LRRC36: variants seen among roughly 807,000 people sequenced by gnomAD.
The protein encoded by LRRC36 is leucine rich repeat containing 36.
LRRC36 carries 62 observed loss-of-function variants against 81.1 expected under a neutral mutation model. The ratio of observed to expected loss-of-function variants is 0.76; its 90% CI spans 0.62 to 0.94. The LOEUF is 0.94. Ranked by LOEUF, LRRC36 falls within the 40% of genes least tolerant of loss-of-function variation. The pLI, the probability that LRRC36 is intolerant of heterozygous loss-of-function variation, is 0.00. For missense variants in LRRC36, 761 were observed against 881.7 expected, an observed-to-expected ratio of 0.86 and a Z score of 1.73; for synonymous variants, 334 against 348.6, an observed-to-expected ratio of 0.96 and a Z score of 0.47.
At position 67,347,556 on chromosome 16, in the gene LRRC36, C is replaced by T. The variant is rs1313652369; in HGVS notation, c.453C>T (p.Gly151=). Residue 151 remains glycine, a synonymous_variant, in exon 4 of 14, where the codon GGC becomes GGT. Transcript: ENST00000329956. ...KAAKLHFSQL[G]NSENFLLEVE... Reference sequence around the variant, plus strand: ...CCAAGCTGCATTTTAGTCAGTTGGGCAACAGTGAAAATTTTCTTTTAGAGG... The same window carrying T: ...CCAAGCTGCATTTTAGTCAGTTGGGTAACAGTGAAAATTTTCTTTTAGAGG... The T allele has an allele frequency of 1.2e-6, 2 of 1,612,646 alleles. No homozygotes were observed. The highest frequency in any genetic ancestry group is 1.7e-4 in the Middle Eastern group (1 of 6,042).
chr16:67,342,402 A>T (rs2038132656), intron 2 of LRRC36, among the ~76,000 whole-genome samples: 1 of 152,188 alleles, frequency 6.6e-6, no homozygotes, highest in South Asian at 2.1e-4. Flanking sequence ...CTCAGTCCCT[A>T]CTGTGAGAGT....
chr16:67,351,071 G>A (rs117462703), intron 5 of LRRC36, among the ~76,000 whole-genome samples: 40 of 152,212 alleles, frequency 2.6e-4, no homozygotes, highest in Non-Finnish European at 4.6e-4. Context: ...TAAATAAAGT[G>A]GTTATGCCAC....
chr16:67,370,902 A>C (rs1320843087), intron 8 of LRRC36, 42 bp from the exon 9 acceptor site: 10 of 1,554,304 alleles, frequency 6.4e-6, no homozygotes, highest in Non-Finnish European at 8.8e-6. Flanking sequence ...GACATGAGGC[A>C]GTCAGAGGGC....
chr16:67,375,301 C>T lies in LRRC36; in HGVS notation c.1549C>T (p.Pro517Ser), dbSNP rs897730638. The change falls in exon 10 of 14, where the codon CCC (proline) becomes TCC (serine). Residue 517 changes from proline (P) to serine (S), a missense_variant. Transcript: ENST00000329956. The stretch of plus-strand genomic sequence containing the variant: ...CGGTTTGGCTGGAAACCACAGTCCC[C>T]CCATCTCTGCCAGAACCCCCCATGT... ...LHGLAGNHSP[P>S]ISARTPHVAT... 2.5e-6 allele frequency: 4 copies of T among 1,612,642 alleles called. No individual in the cohort carries two copies. The highest frequency in any genetic ancestry group is 3.4e-6 in the Non-Finnish European group (4 of 1,179,698).
At chr16:67,345,812 C>T (rs1276144625) in intron 2 of LRRC36, among the ~76,000 whole-genome samples, 4 of 151,920 alleles carry the variant, frequency 2.6e-5, no homozygotes, top group Non-Finnish European at 5.9e-5. Context: ...GCCCCTTTCC[C>T]CCAGAACCAG....
chr16:67,368,908 C>T (rs1235778117), intron 8 of LRRC36, among the ~76,000 whole-genome samples: 1 of 152,066 alleles, frequency 6.6e-6, no homozygotes, highest in African/African-American at 2.4e-5. Flanking sequence ...AATGGTAATT[C>T]TGTGGTTTTG....
Position 67,333,812 on chromosome 16 carries a change from G to A in LRRC36, c.70+6880G>A, listed in dbSNP as rs987359775. Reference sequence around the variant, plus strand: ...AGAGAAATTGGGCATAAAGTACAGAGAGTTCTCATATACGCTTACCTTCCT... The same window carrying A: ...AGAGAAATTGGGCATAAAGTACAGAAAGTTCTCATATACGCTTACCTTCCT... On this transcript the variant is annotated intron_variant, in intron 1 of 13. Transcript: ENST00000329956. 4.6e-5 allele frequency among the ~76,000 whole-genome samples: 7 copies of A among 152,024 alleles called. No individual in the cohort carries two copies. The East Asian group carries it at 1.3e-3, about 29-fold the overall frequency.
chr16:67,355,386 T>C (rs796395627), intron 5 of LRRC36, among the ~76,000 whole-genome samples: 201 of 115,640 alleles, frequency 1.7e-3, no homozygotes, highest in South Asian at 4.5e-3. Flanking sequence ...TTTTTTTTTT[T>C]TTTTTTGAGA....
intron 13 of LRRC36, among the ~76,000 whole-genome samples, chr16:67,383,373 A>G (rs1256301226): frequency 6.6e-6 from 1 of 152,200 alleles, no homozygotes; most frequent in East Asian, 1.9e-4. Flanking sequence ...AAACATTACA[A>G]AAGTAAAGAG....
At chr16:67,337,246 G>C (rs1157169722) in intron 1 of LRRC36, among the ~76,000 whole-genome samples, 1 of 152,016 alleles carries the variant, frequency 6.6e-6, no homozygotes, top group Non-Finnish European at 1.5e-5. Flanking sequence ...AATTCTTTTG[G>C]ATATATACCC....
chr16:67,330,144 G>C (rs1394044377), intron 1 of LRRC36, among the ~76,000 whole-genome samples: 1 of 151,694 alleles, frequency 6.6e-6, no homozygotes, highest in Non-Finnish European at 1.5e-5. Flanking sequence ...CTATGAATTG[G>C]TAGTTAGATG....
chr16:67,329,325 C>G (rs1233066037), intron 1 of LRRC36, among the ~76,000 whole-genome samples: 4 of 152,116 alleles, frequency 2.6e-5, no homozygotes, highest in Non-Finnish European at 5.9e-5. Flanking sequence ...GAGTCTGGCT[C>G]TGTTGCCCAG....
chr16:67,329,928 TAA>T (rs2142553697), intron 1 of LRRC36, among the ~76,000 whole-genome samples: 1 of 152,118 alleles, frequency 6.6e-6, no homozygotes, highest in South Asian at 2.1e-4. Flanking sequence ...AAAAATAAAA[TAA>T]AATAAGAATC....
At chr16:67,365,227 C>T (rs2039328679) in intron 6 of LRRC36, 77 bp from the exon 7 acceptor site, 1 of 863,156 alleles carries the variant, frequency 1.2e-6, no homozygotes, top group Non-Finnish European at 1.9e-6. Context: ...GGAAGGTATT[C>T]TGAACCCCTA....
chr16:67,341,322 A>AGACAGTC, intron 1 of LRRC36, among the ~76,000 whole-genome samples: 2 of 144,394 alleles, frequency 1.4e-5, no homozygotes, highest in African/African-American at 5.2e-5. Flanking sequence ...TATAGACTAT[A>AGACAGTC]TATAGTCTAT....
At chr16:67,344,912 A>G (rs990055771) in intron 2 of LRRC36, among the ~76,000 whole-genome samples, 1 of 152,224 alleles carries the variant, frequency 6.6e-6, no homozygotes, top group African/African-American at 2.4e-5. Context: ...TATTTTATAA[A>G]TACATGATGG....
At chr16:67,330,559 C>T (rs1007327945) in intron 1 of LRRC36, among the ~76,000 whole-genome samples, 3 of 151,990 alleles carry the variant, frequency 2.0e-5, no homozygotes, top group African/African-American at 4.8e-5. Context: ...ATAAACTCAT[C>T]GATTTAAATA....
At chr16:67,336,119 C>T (rs1041651443) in intron 1 of LRRC36, among the ~76,000 whole-genome samples, 1 of 152,190 alleles carries the variant, frequency 6.6e-6, no homozygotes, top group Non-Finnish European at 1.5e-5. Context: ...TGATTTCTCT[C>T]ACTTAGCAAT....
chr16:67,342,003 C>T lies in LRRC36; in HGVS notation c.117C>T (p.Ile39=). Residue 39 remains isoleucine (I), a synonymous_variant, in exon 2 of 14, where the codon ATC becomes ATT. Transcript: ENST00000329956. ...LSLQGSYAGK[I]HSIGDAFRNF... is the part of the protein sequence containing the mutation. ...TGCAGGGATCTTATGCTGGCAAAAT[C>T]CATTCCATTGGTGATGCCTTCAGAA... 6.2e-7 allele frequency: 1 copy of T among 1,610,620 alleles called. No homozygotes were observed. Among genetic ancestry groups the T allele is most frequent in the East Asian group, 2.2e-5 (1 of 44,796 alleles).
Sources: allele counts gnomAD v4.1 joint callset (sites outside exome capture counted in the v4.1 genomes callset), GRCh38; gene constraint gnomAD v4.1.1; transcripts MANE v1.5; gene names NCBI Gene and HGNC (gene_info 2026-07-23, HGNC 2026-07-21).